FBXW10B: variants seen among roughly 807,000 people sequenced by gnomAD.
FBXW10B encodes F-box and WD repeat domain containing protein 10B.
At chr17:15,595,452 G>C in the FBXW10B span, among the ~76,000 whole-genome samples, 1 of 152,202 alleles carries the variant, frequency 6.6e-6, no homozygotes, top group African/African-American at 2.4e-5. Flanking sequence ...GATCAGGGTG[G>C]GGCCTTGCTC....
chr17:15,619,262 T>A, the FBXW10B span: 2 of 1,613,980 alleles, frequency 1.2e-6, no homozygotes, highest in East Asian at 4.5e-5. Flanking sequence ...ATAGATGAAA[T>A]CCTTTCCCTG....
chr17:15,597,269 G>C, the FBXW10B span, among the ~76,000 whole-genome samples: 2 of 143,926 alleles, frequency 1.4e-5, no homozygotes, highest in African/African-American at 5.5e-5. Flanking sequence ...CTGTGTTAGA[G>C]CAACTGCCTG....
At chr17:15,598,650 G>A in the FBXW10B span, 1 of 1,611,414 alleles carries the variant, frequency 6.2e-7, no homozygotes, top group Non-Finnish European at 8.5e-7. Flanking sequence ...TCAGATCCCA[G>A]TATCTGCAGG....
At chr17:15,569,455 CTTTTTTTTTTTTT>C in the FBXW10B span, among the ~76,000 whole-genome samples, 9 of 59,198 alleles carry the variant, frequency 1.5e-4, no homozygotes, top group African/African-American at 7.4e-4. Context: ...TTTTCTTTTT[CTTTTTTTTTTTTT>C]TTTTTTTTTT....
chr17:15,619,359 A>G, the FBXW10B span: 1 of 1,613,076 alleles, frequency 6.2e-7, no homozygotes, highest in African/African-American at 1.3e-5. Context: ...CTCCTCTGTG[A>G]TATGTCATTG....
At chr17:15,574,268 T>A in the FBXW10B span, 1 of 579,594 alleles carries the variant, frequency 1.7e-6, no homozygotes, top group Non-Finnish European at 3.0e-6. Flanking sequence ...AAAATGATTG[T>A]CTTATCATGT....
At chr17:15,575,284 A>C in the FBXW10B span, among the ~76,000 whole-genome samples, 5 of 142,938 alleles carry the variant, frequency 3.5e-5, no homozygotes, top group Admixed American at 1.3e-4. Flanking sequence ...TCCGTGCTGT[A>C]AGACCTGGAG....
the FBXW10B span, among the ~76,000 whole-genome samples, chr17:15,611,771 GGGC>G: frequency 6.6e-6 from 1 of 152,148 alleles, no homozygotes; most frequent in Non-Finnish European, 1.5e-5. Context: ...GCAGGTGGGG[GGGC>G]GCAGAAATCT....
chr17:15,611,526 G>A, the FBXW10B span, among the ~76,000 whole-genome samples: 5 of 152,050 alleles, frequency 3.3e-5, no homozygotes, highest in South Asian at 2.1e-4. Context: ...TCAGATGCAG[G>A]TGAACTGTCC....
At chr17:15,618,068 G>A in the FBXW10B span, among the ~76,000 whole-genome samples, 282 of 152,262 alleles carry the variant, frequency 1.9e-3, 2 homozygotes, top group Non-Finnish European at 3.0e-3. Flanking sequence ...AGTGGCTCAC[G>A]CCTGTAATCC....
At chr17:15,588,153 C>T in the FBXW10B span, among the ~76,000 whole-genome samples, 2 of 152,206 alleles carry the variant, frequency 1.3e-5, no homozygotes, top group Admixed American at 1.3e-4. Context: ...ATAAATAACA[C>T]TGTGCGACCT....
chr17:15,575,514 C>A, the FBXW10B span, among the ~76,000 whole-genome samples: 1 of 149,520 alleles, frequency 6.7e-6, no homozygotes, highest in Non-Finnish European at 1.5e-5. Context: ...CACCACTTCA[C>A]TAGTTGCAGC....
At chr17:15,584,585 C>A in the FBXW10B span, among the ~76,000 whole-genome samples, 1 of 152,152 alleles carries the variant, frequency 6.6e-6, no homozygotes, top group Non-Finnish European at 1.5e-5. Context: ...AATTGGAGTA[C>A]CTTTGCCCAT....
the FBXW10B span, among the ~76,000 whole-genome samples, chr17:15,578,476 G>A: frequency 6.6e-6 from 1 of 152,046 alleles, no homozygotes; most frequent in Non-Finnish European, 1.5e-5. Context: ...ATTTGGTGCA[G>A]GTGAACAAAG....
At chr17:15,598,833 GT>G in the FBXW10B span, 26 of 1,205,372 alleles carry the variant, frequency 2.2e-5, no homozygotes, top group African/African-American at 3.9e-4. Flanking sequence ...CTTTGAGGAA[GT>G]TAATTTCTGT....
the FBXW10B span, among the ~76,000 whole-genome samples, chr17:15,585,844 C>T: frequency 4.6e-5 from 7 of 152,322 alleles, no homozygotes; most frequent in South Asian, 1.4e-3. Context: ...TTTGACTGGA[C>T]CACTCCCACC....
the FBXW10B span, among the ~76,000 whole-genome samples, chr17:15,597,432 C>T: frequency 6.7e-6 from 1 of 149,392 alleles, no homozygotes; most frequent in East Asian, 2.0e-4. Flanking sequence ...TCGAGACCAG[C>T]CTAGCCAACA....
the FBXW10B span, among the ~76,000 whole-genome samples, chr17:15,604,093 A>AAC: frequency 6.7e-6 from 1 of 148,472 alleles, no homozygotes; most frequent in African/African-American, 2.5e-5. Context: ...AAAAAAAAAC[A>AAC]AAAACTAGAA....
chr17:15,598,562 C>T, the FBXW10B span: 98 of 1,613,622 alleles, frequency 6.1e-5, no homozygotes, highest in South Asian at 1.5e-4. Flanking sequence ...CCTCCAGATA[C>T]GAGCCTGTTC....
Sources: allele counts gnomAD v4.1 joint callset (sites outside exome capture counted in the v4.1 genomes callset), GRCh38; gene constraint gnomAD v4.1.1; transcripts MANE v1.5; gene names NCBI Gene and HGNC (gene_info 2026-07-23, HGNC 2026-07-21).